PAX3: variants seen among roughly 807,000 people sequenced by gnomAD.
The protein encoded by PAX3 is paired box 3.
A neutral mutation model predicts 51.6 loss-of-function variants in PAX3; 14 were observed. The observed-to-expected ratio is 0.27, with a 90% confidence interval of 0.18 to 0.42. PAX3 has a LOEUF of 0.42. Ranked by LOEUF, PAX3 falls within the 10% of genes least tolerant of loss-of-function variation. The pLI is 1.00. For missense variants in PAX3, 540 were observed against 642.8 expected, an observed-to-expected ratio of 0.84 and a Z score of 1.73; for synonymous variants, 280 against 253.4, an observed-to-expected ratio of 1.11 and a Z score of -1.00.
chr2:222,281,450 T>C (rs1346647598), intron 4 of PAX3, among the ~76,000 whole-genome samples: 1 of 152,244 alleles, frequency 6.6e-6, no homozygotes, highest in East Asian at 1.9e-4. Context: ...TCTCTGACAT[T>C]AAGCCTGGAG....
intron 2 of PAX3, among the ~76,000 whole-genome samples, chr2:222,296,776 G>A (rs1695319544): frequency 6.6e-6 from 1 of 152,256 alleles, no homozygotes; most frequent in Non-Finnish European, 1.5e-5. Context: ...AAAAAGGCAA[G>A]AGCTTTCCCT....
intron 4 of PAX3, chr2:222,242,253 A>G (rs1305882931): frequency 6.6e-6 from 1 of 152,124 alleles, no homozygotes; most frequent in Non-Finnish European, 1.5e-5. Flanking sequence ...AGCTATGTAA[A>G]CTGGTTAACT....
At chr2:222,206,085 C>G (rs1691497670) in intron 7 of PAX3, among the ~76,000 whole-genome samples, 1 of 151,912 alleles carries the variant, frequency 6.6e-6, no homozygotes, top group Non-Finnish European at 1.5e-5. Context: ...TTTTTGCCCT[C>G]CCCTTACACC....
intron 5 of PAX3, among the ~76,000 whole-genome samples, chr2:222,222,273 C>G (rs1692222463): frequency 1.3e-5 from 2 of 152,124 alleles, no homozygotes; most frequent in South Asian, 4.1e-4. Context: ...CTGCCCAACT[C>G]TTACATCTGC....
Position 222,202,059 on chromosome 2 carries a change from A to G in PAX3, c.1305T>C (p.His435=), listed in dbSNP as rs559630928. 4 of 1,614,016 alleles carry G rather than the reference A, an allele frequency of 2.5e-6. No homozygotes were observed. Among genetic ancestry groups the G allele is most frequent in the Admixed American group, 1.7e-5 (1 of 60,002 alleles). The change falls in exon 8 of 9, where the codon CAT becomes CAC. Residue 435 remains histidine (H), a synonymous_variant. Transcript: ENST00000392070. ...VSASCSQRLD[H]MKSLDSLPTS... is the part of the protein sequence containing the mutation. ...TTGGCAGACTGTCCAAGCTCTTCAT[A>G]TGGTCTAGTCTCTGACTGCAGCTGG...
At chr2:222,285,984 C>T (rs1218285309) in intron 4 of PAX3, among the ~76,000 whole-genome samples, 1 of 152,230 alleles carries the variant, frequency 6.6e-6, no homozygotes, top group Non-Finnish European at 1.5e-5. Context: ...GTCATCCAGG[C>T]TGAAGTGCAG....
chr2:222,231,257 G>T (rs921095578), intron 5 of PAX3, among the ~76,000 whole-genome samples: 1 of 152,166 alleles, frequency 6.6e-6, no homozygotes, highest in Non-Finnish European at 1.5e-5. Flanking sequence ...CACAATATTT[G>T]CAGACAAGGT....
intron 4 of PAX3, among the ~76,000 whole-genome samples, chr2:222,281,933 CG>C (rs1227953318): frequency 6.6e-6 from 1 of 152,148 alleles, no homozygotes; most frequent in Non-Finnish European, 1.5e-5. Context: ...TAAGCACAAA[CG>C]AAAGTTCTAG....
Position 222,282,962 on chromosome 2 carries a change from C to T in PAX3, c.586+11205G>A, listed in dbSNP as rs541628648. ...ACGTATCATTTTTCTTGTGCCAGTGCCCAAAGGCAAACACACTCCTGCACC... is the reference window on the plus strand; with the variant it reads ...ACGTATCATTTTTCTTGTGCCAGTGTCCAAAGGCAAACACACTCCTGCACC... On this transcript the variant is annotated intron_variant, in intron 4 of 8. Coordinates refer to ENST00000392070, the MANE Select transcript of PAX3 (RefSeq NM_181458.4). Among the ~76,000 whole-genome samples, 38 of 152,282 alleles carry T rather than the reference C, an allele frequency of 2.5e-4. No individual in the cohort carries two copies. In the South Asian group the frequency reaches 7.7e-3, roughly 31 times the overall value.
intron 4 of PAX3, among the ~76,000 whole-genome samples, chr2:222,250,931 C>A (rs1337331536): frequency 6.6e-6 from 1 of 152,058 alleles, no homozygotes; most frequent in Non-Finnish European, 1.5e-5. Flanking sequence ...TTTGGGCTGA[C>A]TGCCACTGCT....
intron 4 of PAX3, among the ~76,000 whole-genome samples, chr2:222,266,536 T>A (rs1216218707): frequency 1.3e-5 from 2 of 152,180 alleles, no homozygotes; most frequent in Non-Finnish European, 2.9e-5. Context: ...GCCAATCACA[T>A]AGTGTGGCAG....
At chr2:222,214,767 A>T (rs753750037) in intron 7 of PAX3, 10 of 152,138 alleles carry the variant, frequency 6.6e-5, no homozygotes, top group African/African-American at 9.7e-5. Flanking sequence ...TATCCATGAA[A>T]TAGGACAGGT....
At chr2:222,295,435 G>C in intron 3 of PAX3, 93 bp downstream of exon 3, 1 of 1,453,930 alleles carries the variant, frequency 6.9e-7, no homozygotes, top group Non-Finnish European at 9.7e-7. Flanking sequence ...CAATAGCTGA[G>C]ATCGATAATT....
chr2:222,275,102 TTTCG>T (rs1694372906), intron 4 of PAX3, among the ~76,000 whole-genome samples: 1 of 152,214 alleles, frequency 6.6e-6, no homozygotes, highest in African/African-American at 2.4e-5. Context: ...AAAATTTTAA[TTTCG>T]ATTCAAAGTT....
chr2:222,240,560 A>G (rs755502306), intron 4 of PAX3, among the ~76,000 whole-genome samples: 27 of 152,172 alleles, frequency 1.8e-4, no homozygotes, highest in Non-Finnish European at 3.5e-4. Flanking sequence ...TATTTTTAGT[A>G]GCTGTATTCA....
In PAX3 at chr2:222,221,229, A is replaced by T; in HGVS notation, c.951T>A (p.Ile317=). The part of the protein sequence containing the change: ...LSETSYQPTS[I]PQAVSDPSST... ...TTGACTCTTCCTCGGTACCTTGTGG[A>T]ATAGATGTGGGCTGGTAAGAGGTCT... The change falls in exon 6 of 9, where the codon ATT becomes ATA. Residue 317 remains isoleucine, a synonymous_variant. Coordinates refer to ENST00000392070, the MANE Select transcript of PAX3 (RefSeq NM_181458.4). 1 of 1,613,948 alleles carries T rather than the reference A, an allele frequency of 6.2e-7. No individual in the cohort carries two copies. The highest frequency in any genetic ancestry group is 8.5e-7 in the Non-Finnish European group (1 of 1,179,874).
intron 4 of PAX3, among the ~76,000 whole-genome samples, chr2:222,265,654 G>C (rs1416515913): frequency 7.2e-6 from 1 of 138,660 alleles, no homozygotes; most frequent in Non-Finnish European, 1.6e-5. Context: ...AAAGAAGGAA[G>C]GAAGGAAGGA....
chr2:222,297,143 G>A lies in PAX3; in HGVS notation c.156C>T (p.Pro52=). 1 of 1,608,196 alleles carries A rather than the reference G, an allele frequency of 6.2e-7. No individual in the cohort carries two copies. Among genetic ancestry groups the A allele is most frequent in the Non-Finnish European group, 8.5e-7 (1 of 1,177,902 alleles). Residue 52 remains proline, a synonymous_variant, in exon 2 of 9, where the codon CCC becomes CCT. Coordinates refer to ENST00000392070, the MANE Select transcript of PAX3 (RefSeq NM_181458.4). ...GGVFINGRPL[P]NHIRHKIVEM... Reference sequence around the variant, plus strand: ...CCACGATCTTGTGGCGGATGTGGTTGGGCAGCGGCCTGCCGTTGATAAAAA... The same window carrying A: ...CCACGATCTTGTGGCGGATGTGGTTAGGCAGCGGCCTGCCGTTGATAAAAA...
intron 4 of PAX3, among the ~76,000 whole-genome samples, chr2:222,273,826 T>C (rs45496596): frequency 1.2e-3 from 187 of 152,284 alleles, no homozygotes; most frequent in African/African-American, 4.3e-3. Flanking sequence ...CTCTTAGAAC[T>C]ATAATCAAAT....
Sources: allele counts gnomAD v4.1 joint callset (sites outside exome capture counted in the v4.1 genomes callset), GRCh38; gene constraint gnomAD v4.1.1; transcripts MANE v1.5; gene names NCBI Gene and HGNC (gene_info 2026-07-23, HGNC 2026-07-21).